ACTL8: variants seen among roughly 807,000 people sequenced by gnomAD.
The protein encoded by ACTL8 is actin-like protein 8.
Under a neutral mutation model 9.3 loss-of-function variants are expected in ACTL8, and 3 were observed. That is an observed-to-expected ratio of 0.32 (90% CI 0.15 to 0.83). The LOEUF is 0.83. ACTL8 is among the 40% of genes least tolerant of loss of function. The pLI is 0.57. For missense variants in ACTL8, 381 were observed against 492.2 expected (o/e 0.77, Z 2.14); for synonymous variants, 224 against 205.9 (o/e 1.09, Z -0.75).
intron 1 of ACTL8, among the ~76,000 whole-genome samples, chr1:17,795,419 C>T (rs1056787873): frequency 6.6e-6 from 1 of 152,238 alleles, no homozygotes; most frequent in Admixed American, 6.5e-5. Flanking sequence ...GACTGCCTTG[C>T]AGGGTTCGTG....
chr1:17,822,017 T>G (rs2053666397), intron 1 of ACTL8, among the ~76,000 whole-genome samples: 1 of 152,160 alleles, frequency 6.6e-6, no homozygotes, highest in Non-Finnish European at 1.5e-5. Flanking sequence ...ATACCTACCT[T>G]TTCAGCAGGG....
chr1:17,783,366 A>ATTTTTTTTTTTTT (rs1557433767), intron 1 of ACTL8, among the ~76,000 whole-genome samples: 1 of 69,326 alleles, frequency 1.4e-5, no homozygotes, highest in African/African-American at 7.3e-5. Context: ...TTTTTTTTTA[A>ATTTTTTTTTTTTT]AAAAACTCCA....
chr1:17,781,365 T>C (rs6586579), intron 1 of ACTL8, among the ~76,000 whole-genome samples: 42,981 of 151,778 alleles, frequency 0.28, 6,654 homozygotes, highest in Admixed American at 0.38. Context: ...CTCAGCCTCC[T>C]GAGTAGCTGG....
At position 17,823,340 on chromosome 1, in the gene ACTL8, G is replaced by A. The variant is rs115824043; in HGVS notation, c.332G>A (p.Arg111Gln). Residue 111 changes from arginine (R) to glutamine (Q), a missense_variant, in exon 2 of 3, where the codon CGA becomes CAA. Arg to Gln is a conservative substitution (Grantham distance 43, BLOSUM62 1). Around this residue, in one of 3 missense-constraint regions of ACTL8, gnomAD observed 125 missense variants for 180.7 expected, o/e 0.69. Coordinates refer to ENST00000375406, the MANE Select transcript of ACTL8 (RefSeq NM_030812.3). The surrounding 1 kb of genome is among the most constrained non-coding windows in gnomAD (Gnocchi z 5.3). ...ACACCCTTGAGGGAGCCTGCGGACC[G>A]AAAGAAGATGCTGGAGGTGAGGCCT... The part of the protein sequence containing the change: ...TETPLREPAD[R>Q]KKMLEILFEL... The A allele has an allele frequency of 2.5e-5, 40 of 1,612,722 alleles. No individual in the cohort carries two copies. In the East Asian group the frequency reaches 6.2e-4, roughly 25 times the overall value.
intron 1 of ACTL8, among the ~76,000 whole-genome samples, chr1:17,810,429 A>G (rs1467867261): frequency 6.6e-6 from 1 of 152,224 alleles, no homozygotes; most frequent in Non-Finnish European, 1.5e-5. Flanking sequence ...TCTCTTTGAA[A>G]ACCACAACAT....
Position 17,826,225 on chromosome 1 carries a change from G to T in ACTL8, c.807G>T (p.Gly269=), listed in dbSNP as rs970469065. 6.2e-7 allele frequency: 1 copy of T among 1,613,382 alleles called. No homozygotes were observed. The highest frequency in any genetic ancestry group is 1.3e-5 in the African/African-American group (1 of 75,038). Residue 269 remains glycine (G), a synonymous_variant, in exon 3 of 3, where the codon GGG becomes GGT. Coordinates refer to ENST00000375406, the MANE Select transcript of ACTL8 (RefSeq NM_030812.3). The surrounding 1 kb of genome is among the most constrained non-coding windows in gnomAD (Gnocchi z 4.5). ...FFSPQVFEQP[G]PSIPRAIVES... Reference sequence around the variant, plus strand: ...GCCCGCAGGTGTTCGAGCAGCCGGGGCCCAGCATCCCACGGGCCATTGTGG... The same window carrying T: ...GCCCGCAGGTGTTCGAGCAGCCGGGTCCCAGCATCCCACGGGCCATTGTGG...
At chr1:17,785,111 C>T (rs888082845) in intron 1 of ACTL8, among the ~76,000 whole-genome samples, 7 of 152,308 alleles carry the variant, frequency 4.6e-5, no homozygotes, top group African/African-American at 1.7e-4. Context: ...CCCACTGGGT[C>T]CCTCCCACAA....
At chr1:17,825,003 G>A (rs1356947968) in intron 2 of ACTL8, among the ~76,000 whole-genome samples, 1 of 151,682 alleles carries the variant, frequency 6.6e-6, no homozygotes, top group Non-Finnish European at 1.5e-5. Context: ...GACCACAGAA[G>A]GGTTGACTGT....
chr1:17,758,486 G>A (rs998318226), intron 1 of ACTL8, among the ~76,000 whole-genome samples: 2 of 152,216 alleles, frequency 1.3e-5, no homozygotes, highest in Admixed American at 6.5e-5. Context: ...TCAATTCACA[G>A]ACCCAGAATC....
intron 1 of ACTL8, among the ~76,000 whole-genome samples, chr1:17,761,091 A>G (rs527839438): frequency 6.7e-6 from 1 of 150,358 alleles, no homozygotes; most frequent in South Asian, 2.1e-4. Flanking sequence ...AGGAAAGAGG[A>G]GCTACCCTAT....
rs1370780486 is a variant in ACTL8 at position 17,823,489 on chromosome 1, T to C, written c.348+133T>C. On this transcript the variant is annotated intron_variant, in intron 2 of 2. Coordinates refer to ENST00000375406, the MANE Select transcript of ACTL8 (RefSeq NM_030812.3). This position sits in a 1 kb window ranked among gnomAD's most constrained non-coding sequence, Gnocchi z 5.3. The stretch of plus-strand genomic sequence containing the variant: ...CAGGTGTGGTGGCTTATGCCTGTAA[T>C]CCCAACACTTTGGGACTCCCAGGCA... 2.3e-6 allele frequency: 2 copies of C among 872,372 alleles called. No individual in the cohort carries two copies. The highest frequency in any genetic ancestry group is 3.4e-5 in the African/African-American group (2 of 58,682). 54.0% of individuals were successfully genotyped at this position (872,372 alleles called of 1,614,324 possible). A position where few individuals can be genotyped will look rare whatever the true frequency, so the allele number is the denominator to read the frequency against.
intron 1 of ACTL8, among the ~76,000 whole-genome samples, chr1:17,797,863 G>A (rs1183304573): frequency 6.6e-6 from 1 of 152,208 alleles, no homozygotes; most frequent in Non-Finnish European, 1.5e-5. Context: ...CAGCAAACGG[G>A]AGCCAATGTT....
At chr1:17,796,637 A>G (rs4920384) in intron 1 of ACTL8, among the ~76,000 whole-genome samples, 32,697 of 152,134 alleles carry the variant, frequency 0.21, 4,344 homozygotes, top group Admixed American at 0.38. Flanking sequence ...CCCTACAGGG[A>G]ATGCTGGGAC....
intron 1 of ACTL8, among the ~76,000 whole-genome samples, chr1:17,776,969 ATTTTTTTTTTTTTTTTTT>A (rs765972298): frequency 0.036 from 1,813 of 50,578 alleles, 88 homozygotes; most frequent in African/African-American, 0.13. Context: ...CTGGCTAATG[ATTTTTTTTTTTTTTTTTT>A]TTTTTTTTTT....
Position 17,823,585 on chromosome 1 carries a change from A to T in ACTL8, c.348+229A>T, listed in dbSNP as rs916784760. Among the ~76,000 whole-genome samples, 1 of 152,052 alleles carries T rather than the reference A, an allele frequency of 6.6e-6. No individual in the cohort carries two copies. Among genetic ancestry groups the T allele is most frequent in the Non-Finnish European group, 1.5e-5 (1 of 68,018 alleles). ...TAGTGAGACCCCTGTCTCTATAAAA[A>T]ATACAAAAATTAGCCAGGTGTGGTC... is the stretch of plus-strand genomic sequence containing the variant. On this transcript the variant is annotated intron_variant, in intron 2 of 2. Transcript: ENST00000375406. The surrounding 1 kb of genome is among the most constrained non-coding windows in gnomAD (Gnocchi z 5.3).
At chr1:17,805,388 T>C (rs1232692435) in intron 1 of ACTL8, among the ~76,000 whole-genome samples, 5 of 140,414 alleles carry the variant, frequency 3.6e-5, no homozygotes, top group East Asian at 2.1e-4. Context: ...TTTTTTTTTT[T>C]TTTTTTTTTT....
At chr1:17,799,041 T>A (rs1483239431) in intron 1 of ACTL8, among the ~76,000 whole-genome samples, 1 of 152,180 alleles carries the variant, frequency 6.6e-6, no homozygotes, top group African/African-American at 2.4e-5. Context: ...ATGCCCACTT[T>A]GGTCCCCTCT....
intron 1 of ACTL8, among the ~76,000 whole-genome samples, chr1:17,759,167 T>C (rs2065986368): frequency 6.6e-6 from 1 of 152,244 alleles, no homozygotes; most frequent in African/African-American, 2.4e-5. Flanking sequence ...TTATCAATTA[T>C]TGCTTTTCTG....
chr1:17,756,888 G>A lies in ACTL8; in HGVS notation c.-25+1384G>A, dbSNP rs78137740. Among the ~76,000 whole-genome samples the A allele has an allele frequency of 8.3e-3, 1,268 of 152,298 alleles. 20 individuals carry two copies. Among genetic ancestry groups the A allele is most frequent in the Middle Eastern group, 0.034 (10 of 294 alleles). ...TGACTGTGTGGCCATAATGAGGACTGTGAGAACTGTGGGGTGGGATGGATC... is the reference window on the plus strand; with the variant it reads ...TGACTGTGTGGCCATAATGAGGACTATGAGAACTGTGGGGTGGGATGGATC... On this transcript the variant is annotated intron_variant, in intron 1 of 2. Transcript: ENST00000375406.
Sources: gnomAD v4.1 joint callset for allele counts (sites outside exome capture counted in the v4.1 genomes callset) on GRCh38, gnomAD v4.1.1 for gene constraint, gnomAD v4.1.1 regional missense constraint, Gnocchi (gnomAD v3.1) non-coding constraint, MANE v1.5 for transcripts, NCBI Gene and HGNC (gene_info 2026-07-23, HGNC 2026-07-21) for gene names.